CSGALNACT1: variants seen among roughly 807,000 people sequenced by gnomAD.
CSGALNACT1 encodes chondroitin sulfate N-acetylgalactosaminyltransferase 1.
Under a neutral mutation model 51.0 loss-of-function variants are expected in CSGALNACT1, and 52 were observed. That is an observed-to-expected ratio of 1.02 (90% confidence interval 0.82 to 1.29). CSGALNACT1 has a LOEUF of 1.29. CSGALNACT1 is among the 50% of genes most tolerant of loss of function. CSGALNACT1 has a pLI of 0.00. For synonymous variants in CSGALNACT1, 341 were observed against 254.4 expected (o/e 1.34, Z -3.24); for missense variants, 935 against 679.2 (o/e 1.38, Z -4.19).
Position 19,592,889 on chromosome 8 carries a change from C to G in CSGALNACT1, c.-415-1611G>C, listed in dbSNP as rs1385597681. On this transcript the variant is annotated intron_variant, in intron 2 of 9. Coordinates refer to ENST00000454498, the Ensembl canonical transcript of CSGALNACT1. ...TATTTTTGCAACTTTCTTATACAGA[C>G]CATACCCCACTACAGTGGTTCAAAT... is the stretch of plus-strand genomic sequence containing the variant. 6.6e-5 allele frequency among the ~76,000 whole-genome samples: 10 copies of G among 152,294 alleles called. No homozygotes were observed. The South Asian group carries it at 2.1e-3, about 32-fold the overall frequency.
intron 1 of CSGALNACT1, among the ~76,000 whole-genome samples, chr8:19,617,313 G>T (rs553479256): frequency 5.3e-4 from 80 of 152,292 alleles, no homozygotes; most frequent in African/African-American, 1.8e-3. Context: ...ATGGGGCCTG[G>T]TTCCTAGCAG....
At chr8:19,618,102 G>A (rs2154157691) in intron 1 of CSGALNACT1, among the ~76,000 whole-genome samples, 1 of 151,748 alleles carries the variant, frequency 6.6e-6, no homozygotes, top group South Asian at 2.1e-4. Context: ...TGGTCTCAAA[G>A]TCCTGGCCTC....
chr8:19,684,399 G>A (rs569853579), upstream of CSGALNACT1, among the ~76,000 whole-genome samples: 14 of 152,288 alleles, frequency 9.2e-5, no homozygotes, highest in South Asian at 1.7e-3. Flanking sequence ...TTCACCATAT[G>A]AGACTGTAGA....
intron 1 of CSGALNACT1, among the ~76,000 whole-genome samples, chr8:19,646,747 T>C (rs2057314212): frequency 6.6e-6 from 1 of 152,080 alleles, no homozygotes; most frequent in Non-Finnish European, 1.5e-5. Flanking sequence ...CATCTCCTAT[T>C]ACAGTTAACA....
chr8:19,656,183 T>C (rs1028171855), intron 1 of CSGALNACT1, among the ~76,000 whole-genome samples: 2 of 152,202 alleles, frequency 1.3e-5, no homozygotes, highest in Non-Finnish European at 2.9e-5. Context: ...AGGATTGCCT[T>C]TTGCTAATCT....
rs567530778 is a variant in CSGALNACT1 at position 19,634,942 on chromosome 8, G to A, written c.-543-33077C>T. ...ATATAATGATGATAACACTTTAAAAGCAGTAGCGCTAATCAGACACCATCT... is the reference window on the plus strand; with the variant it reads ...ATATAATGATGATAACACTTTAAAAACAGTAGCGCTAATCAGACACCATCT... On this transcript the variant is annotated intron_variant, in intron 1 of 9. Transcript: ENST00000332246. Among the ~76,000 whole-genome samples, 28 of 152,324 alleles carry A rather than the reference G, an allele frequency of 1.8e-4. No individual in the cohort carries two copies. The South Asian group carries it at 5.4e-3, about 29-fold the overall frequency.
chr8:19,641,212 A>C (rs2056706923), intron 1 of CSGALNACT1, among the ~76,000 whole-genome samples: 1 of 147,090 alleles, frequency 6.8e-6, no homozygotes, highest in Non-Finnish European at 1.5e-5. Context: ...TCAAGTGTTC[A>C]AGCTTTTCCA....
chr8:19,700,537 C>G (rs951509220), intron 1 of CSGALNACT1, among the ~76,000 whole-genome samples: 1 of 152,122 alleles, frequency 6.6e-6, no homozygotes, highest in African/African-American at 2.4e-5. Context: ...CCTTCCTCAC[C>G]ATTAATCAGG....
At position 19,416,249 on chromosome 8, in the gene CSGALNACT1, G is replaced by A. The variant is rs1168980553; in HGVS notation, c.1227+2407C>T. On this transcript the variant is annotated intron_variant, in intron 8 of 9. Coordinates refer to ENST00000454498, the Ensembl canonical transcript of CSGALNACT1. ...CCTGCCTCAGCCTGTGGAGTAGTTG[G>A]GATTACAGGCGCATACCACCATGCC... Among the ~76,000 whole-genome samples the A allele has an allele frequency of 2.6e-5, 4 of 151,326 alleles. No homozygotes were observed. In the South Asian group the frequency reaches 8.4e-4, roughly 32 times the overall value.
At chr8:19,587,135 G>A (rs949279496) in intron 3 of CSGALNACT1, among the ~76,000 whole-genome samples, 2 of 152,102 alleles carry the variant, frequency 1.3e-5, no homozygotes, top group South Asian at 2.1e-4. Flanking sequence ...AACAGCAATC[G>A]CTGCAAACTG....
intron 1 of CSGALNACT1, among the ~76,000 whole-genome samples, chr8:19,638,778 C>G (rs532056735): frequency 6.6e-6 from 1 of 151,938 alleles, no homozygotes; most frequent in Admixed American, 6.6e-5. Flanking sequence ...TGCTCCCCAC[C>G]AAGAAAGAGC....
chr8:19,542,282 C>T (rs1022052551), intron 3 of CSGALNACT1, among the ~76,000 whole-genome samples: 4 of 151,062 alleles, frequency 2.6e-5, no homozygotes, highest in Middle Eastern at 3.2e-3. Flanking sequence ...CAAAGGAAAG[C>T]CATTGAAATT....
In CSGALNACT1 at chr8:19,505,460, G is replaced by A. The variant is rs975504513; in HGVS notation, c.375C>T (p.His125=). The stretch of plus-strand genomic sequence containing the variant: ...TCACCTCTGCCTTGTCCACCTGCGA[G>A]TGCAGGAAGGCCAGGAGGTCGGCCT... The change falls in exon 4 of 10, where the codon CAC becomes CAT. Residue 125 remains histidine (H), a synonymous_variant. Coordinates refer to ENST00000454498, the Ensembl canonical transcript of CSGALNACT1. 6.2e-6 allele frequency: 10 copies of A among 1,614,192 alleles called. No individual in the cohort carries two copies. Among genetic ancestry groups the A allele is most frequent in the Non-Finnish European group, 8.5e-6 (10 of 1,180,034 alleles).
rs17128372 is a variant in CSGALNACT1, at chr8:19,410,674, A to G, written c.1228-1980T>C. On this transcript the variant is annotated intron_variant, in intron 8 of 9. Transcript: ENST00000454498. ...GAACAAGGTGAAGGGGGACCCTCACATGGGAACAGCGTGATGGAGGCAGTC... is the reference window on the plus strand; with the variant it reads ...GAACAAGGTGAAGGGGGACCCTCACGTGGGAACAGCGTGATGGAGGCAGTC... 4.8e-3 allele frequency among the ~76,000 whole-genome samples: 735 copies of G among 152,350 alleles called. 38 individuals carry two copies. The East Asian group carries it at 0.11, about 23-fold the overall frequency.
chr8:19,730,944 G>A lies in CSGALNACT1; in HGVS notation c.-297+26906C>T, dbSNP rs187196088. On this transcript the variant is annotated intron_variant, in intron 1 of 1. Coordinates refer to the CSGALNACT1 transcript ENST00000517494. The stretch of plus-strand genomic sequence containing the variant: ...CTGCATTCTTCATGCCACGAGGACA[G>A]CTGGCAAACACCCTGGGAGGAGAGG... Among the ~76,000 whole-genome samples, 145 of 152,322 alleles carry A rather than the reference G, an allele frequency of 9.5e-4. 2 individuals carry two copies. The highest frequency in any genetic ancestry group is 1.5e-4 in the Non-Finnish European group (10 of 68,024).
intron 8 of CSGALNACT1, among the ~76,000 whole-genome samples, chr8:19,418,030 G>T (rs1033708934): frequency 6.6e-6 from 1 of 152,168 alleles, no homozygotes; most frequent in Admixed American, 6.5e-5. Context: ...TCCATCACCT[G>T]TGCAGCCAGG....
intron 1 of CSGALNACT1, among the ~76,000 whole-genome samples, chr8:19,670,587 C>G (rs2059712539): frequency 7.6e-6 from 1 of 131,278 alleles, no homozygotes. Context: ...AACCAAGGAT[C>G]AACCGACTAA....
intron 1 of CSGALNACT1, among the ~76,000 whole-genome samples, chr8:19,706,482 G>C (rs891366372): frequency 1.3e-5 from 2 of 152,170 alleles, no homozygotes; most frequent in African/African-American, 4.8e-5. Flanking sequence ...TCAGACACTG[G>C]AATACACTGA....
At chr8:19,428,067 C>T (rs1417281742) in intron 6 of CSGALNACT1, among the ~76,000 whole-genome samples, 2 of 152,162 alleles carry the variant, frequency 1.3e-5, no homozygotes, top group African/African-American at 4.8e-5. Flanking sequence ...TGCAGGTGGC[C>T]TCCATCCTCA....
Sources: gnomAD v4.1 joint callset for allele counts (sites outside exome capture counted in the v4.1 genomes callset) on GRCh38, gnomAD v4.1.1 for gene constraint, MANE v1.5 for transcripts, NCBI Gene and HGNC (gene_info 2026-07-23, HGNC 2026-07-21) for gene names.